The following RTF1 variants were observed in gnomAD, a reference collection of about 807,000 sequenced individuals.
The protein encoded by RTF1 is RNA polymerase-associated protein RTF1 homolog.
In RTF1, 10 loss-of-function variants were observed where a neutral mutation model predicts 95.7. The ratio of observed to expected loss-of-function variants is 0.10; its 90% confidence interval spans 0.06 to 0.18. The LOEUF (loss-of-function observed/expected upper bound fraction) is 0.18, where lower values mean the gene tolerates loss of function less well. Ranked by LOEUF, RTF1 falls within the 10% of genes least tolerant of loss-of-function variation. The probability of loss-of-function intolerance (pLI) is 1.00; values close to 1 mark genes in which losing one functional copy is unlikely to be tolerated. For synonymous variants in RTF1, 305 were observed against 311.8 expected, an observed-to-expected ratio of 0.98 and a Z score of 0.23; for missense variants, 458 against 875.6, an observed-to-expected ratio of 0.52 and a Z score of 6.02.
chr15:41,452,828 C>T, intron 2 of RTF1, 73 bp from the exon 3 acceptor site: 1 of 1,106,482 alleles, frequency 9.0e-7, no homozygotes, highest in Non-Finnish European at 1.2e-6. Flanking sequence ...ACTCTTAACT[C>T]TTGAGTCTTC....
At chr15:41,477,641 C>G in intron 14 of RTF1, 126 bp downstream of exon 14, 1 of 786,778 alleles carries the variant, frequency 1.3e-6, no homozygotes, top group Non-Finnish European at 2.2e-6. Context: ...TATACACACT[C>G]TCTCTGTATG....
At chr15:41,459,963 A>G (rs765553636) in intron 4 of RTF1, among the ~76,000 whole-genome samples, 1 of 152,210 alleles carries the variant, frequency 6.6e-6, no homozygotes, top group African/African-American at 2.4e-5. Context: ...AAAGGAGAAT[A>G]GAAGCATTTT....
chr15:41,429,280 C>T lies in RTF1; in HGVS notation c.199-9041C>T, dbSNP rs1051332824. Among the ~76,000 whole-genome samples the T allele has an allele frequency of 2.0e-5, 3 of 152,248 alleles. No homozygotes were observed. In the East Asian group the frequency reaches 5.8e-4, roughly 29 times the overall value. On this transcript the variant is annotated intron_variant, in intron 1 of 17. Coordinates refer to ENST00000389629, the MANE Select transcript of RTF1 (RefSeq NM_015138.5). ...GTAACTTCTCGGATTTAAAGCTCTG[C>T]GAATTACTCTTTTTTCCTCGTCATC...
At chr15:41,465,771 G>C (rs2050877543) in intron 5 of RTF1, among the ~76,000 whole-genome samples, 1 of 152,134 alleles carries the variant, frequency 6.6e-6, no homozygotes, top group African/African-American at 2.4e-5. Flanking sequence ...TATAAATATA[G>C]CTGGGAAAAT....
chr15:41,467,096 T>TAATA (rs1345646277), intron 6 of RTF1, among the ~76,000 whole-genome samples: 1 of 152,172 alleles, frequency 6.6e-6, no homozygotes, highest in African/African-American at 2.4e-5. Flanking sequence ...ACCACAATAA[T>TAATA]GTGAAGTAAC....
chr15:41,417,095 G>C lies in RTF1; in HGVS notation c.-21G>C. ...GTGCGGCGAGCAGGGGGCGGGGCCA[G>C]GGGGGCGGAGCGGAGCGCGCATGCG... On this transcript the variant is annotated 5_prime_UTR_variant, in exon 1 of 18. Transcript: ENST00000389629. 2.5e-6 allele frequency: 3 copies of C among 1,224,378 alleles called. No individual in the cohort carries two copies. The highest frequency in any genetic ancestry group is 3.1e-6 in the Non-Finnish European group (3 of 980,956). The allele number at this position is 1,224,378 out of a possible 1,614,324, so 75.8% of individuals were successfully genotyped here.
At chr15:41,452,648 G>A (rs975383967) in intron 2 of RTF1, among the ~76,000 whole-genome samples, 1 of 151,962 alleles carries the variant, frequency 6.6e-6, no homozygotes, top group African/African-American at 2.4e-5. Flanking sequence ...GTGGGAGGAT[G>A]GCTTGAGCCT....
intron 17 of RTF1, 43 bp downstream of exon 17, chr15:41,480,368 G>T: frequency 1.5e-6 from 2 of 1,350,008 alleles, no homozygotes; most frequent in South Asian, 2.3e-5. Flanking sequence ...AGAACCAGAT[G>T]GATCCATGGT....
intron 2 of RTF1, among the ~76,000 whole-genome samples, chr15:41,443,771 A>G (rs989657818): frequency 2.0e-5 from 3 of 152,014 alleles, no homozygotes; most frequent in Non-Finnish European, 4.4e-5. Flanking sequence ...TAGAGGTGCA[A>G]TAATAGAAAA....
chr15:41,452,005 C>T (rs1270188869), intron 2 of RTF1, among the ~76,000 whole-genome samples: 1 of 151,192 alleles, frequency 6.6e-6, no homozygotes, highest in Non-Finnish European at 1.5e-5. Context: ...CAAGGCCAGC[C>T]TAGGCAACAT....
chr15:41,427,448 G>A (rs1371460756), intron 1 of RTF1, among the ~76,000 whole-genome samples: 8 of 152,136 alleles, frequency 5.3e-5, no homozygotes, highest in Non-Finnish European at 7.3e-5. Flanking sequence ...ACTGCGCCCG[G>A]CCCTACAAAA....
In RTF1 at chr15:41,477,278, C is replaced by G; in HGVS notation, c.1674C>G (p.Ser558=). The change falls in exon 13 of 18, where the codon TCC becomes TCG. Residue 558 remains serine (S), a synonymous_variant. Transcript: ENST00000389629. ...ALDRQRTKNI[S]AISYINQRNR... ...ACCGCCAGCGGACCAAGAACATATC[C>G]GCTATCAGGTGTGTTATGGAGCCTA... 1.9e-6 allele frequency: 3 copies of G among 1,614,236 alleles called. No homozygotes were observed. Among genetic ancestry groups the G allele is most frequent in the African/African-American group, 1.3e-5 (1 of 75,062 alleles).
chr15:41,436,780 T>TGA (rs2050705745), intron 1 of RTF1, among the ~76,000 whole-genome samples: 1 of 133,928 alleles, frequency 7.5e-6, no homozygotes, highest in Non-Finnish European at 1.6e-5. Flanking sequence ...GGCAACAGAG[T>TGA]GAGTCTCTGT....
At chr15:41,443,145 G>A (rs58928267) in intron 2 of RTF1, among the ~76,000 whole-genome samples, 1 of 152,242 alleles carries the variant, frequency 6.6e-6, no homozygotes, top group East Asian at 1.9e-4. Flanking sequence ...ACTGATTTTA[G>A]AGCAAAAAGA....
intron 1 of RTF1, among the ~76,000 whole-genome samples, chr15:41,427,717 C>A (rs2050643330): frequency 1.3e-5 from 2 of 152,060 alleles, no homozygotes; most frequent in Admixed American, 1.3e-4. Context: ...CCGATGCTCG[C>A]CTGACAGAGT....
chr15:41,417,977 T>TAGAGAACTA (rs1468696310), intron 1 of RTF1, among the ~76,000 whole-genome samples: 5 of 150,706 alleles, frequency 3.3e-5, no homozygotes, highest in African/African-American at 4.9e-5. Flanking sequence ...CTGGAAGAAA[T>TAGAGAACTA]AGAGAACTAT....
At chr15:41,461,724 C>T (rs938681156) in intron 4 of RTF1, among the ~76,000 whole-genome samples, 1 of 150,076 alleles carries the variant, frequency 6.7e-6, no homozygotes, top group Non-Finnish European at 1.5e-5. Flanking sequence ...CTCTTGACCT[C>T]GTGTTCTGCC....
chr15:41,470,650 CTTTTTTTTTTT>C (rs58221683), intron 7 of RTF1, among the ~76,000 whole-genome samples: 4 of 75,442 alleles, frequency 5.3e-5, no homozygotes, highest in Non-Finnish European at 1.0e-4. Context: ...CATTCATTTT[CTTTTTTTTTTT>C]TTTTTTTTTT....
At position 41,480,963 on chromosome 15, in the gene RTF1, G is replaced by GT. The variant is rs113541148; in HGVS notation, c.*283dup. 1.2e-5 allele frequency: 5 copies of GT among 423,282 alleles called. 1 individual carries two copies. In the South Asian group the frequency reaches 1.5e-4, roughly 13 times the overall value. The allele number at this position is 423,282 out of a possible 1,614,324, so 26.2% of individuals were successfully genotyped here. ...GTCTTTAGATTTGTGTTTGCCTTTT[G>GT]TTTTTTTAACCGCGCAGTTCATTGG... On this transcript the variant is annotated 3_prime_UTR_variant, in exon 18 of 18. Coordinates refer to ENST00000389629, the MANE Select transcript of RTF1 (RefSeq NM_015138.5).
Sources: allele counts gnomAD v4.1 joint callset (sites outside exome capture counted in the v4.1 genomes callset), GRCh38; gene constraint gnomAD v4.1.1; transcripts MANE v1.5; gene names NCBI Gene and HGNC (gene_info 2026-07-23, HGNC 2026-07-21).